FAAH2: variants seen among roughly 807,000 people sequenced by gnomAD.
FAAH2 encodes the protein fatty acid amide hydrolase 2, also known as fatty-acid amide hydrolase 2.
In FAAH2, 60 loss-of-function variants were observed where a neutral mutation model predicts 36.9. The ratio of observed to expected loss-of-function variants is 1.63; its 90% CI spans 1.32 to 2.02. FAAH2 has a LOEUF of 2.02. FAAH2 is among the 30% of genes most tolerant of loss of function. The pLI, the probability that FAAH2 is intolerant of heterozygous loss-of-function variation, is 0.00. For synonymous variants in FAAH2, 214 were observed against 143.8 expected (o/e 1.49, Z -3.49); for missense variants, 689 against 397.5 (o/e 1.73, Z -6.23).
chrX:57,439,162 C>A (rs1201495397), intron 8 of FAAH2, among the ~76,000 whole-genome samples: 2 of 109,830 alleles, frequency 1.8e-5, no homozygotes, highest in Non-Finnish European at 3.8e-5. Context: ...TTCTAGATCC[C>A]TGAGGAATCA....
At chrX:57,388,212 A>G (rs962719336) in intron 7 of FAAH2, among the ~76,000 whole-genome samples, 9 of 111,440 alleles carry the variant, frequency 8.1e-5, no homozygotes, top group Admixed American at 4.8e-4. Context: ...TTATATAGCA[A>G]TTTGAACTTT....
At chrX:57,320,809 G>A (rs747424574) in intron 3 of FAAH2, among the ~76,000 whole-genome samples, 1 of 112,419 alleles carries the variant, frequency 8.9e-6, no homozygotes, top group East Asian at 2.8e-4. Flanking sequence ...AGGAAATGTG[G>A]CATATGTACA....
At chrX:57,421,169 G>T (rs1046779762) in intron 7 of FAAH2, among the ~76,000 whole-genome samples, 4 of 112,207 alleles carry the variant, frequency 3.6e-5, no homozygotes, top group African/African-American at 1.3e-4. Context: ...TTTTTGGCCG[G>T]GTGAAGTGGC....
chrX:57,425,048 A>C (rs938188751), intron 7 of FAAH2, among the ~76,000 whole-genome samples: 2 of 111,326 alleles, frequency 1.8e-5, no homozygotes, highest in East Asian at 5.6e-4. Flanking sequence ...AAACAAAAAA[A>C]TCTGAAAATA....
At chrX:57,369,341 A>G (rs761391495) in intron 5 of FAAH2, among the ~76,000 whole-genome samples, 54 of 111,304 alleles carry the variant, frequency 4.9e-4, no homozygotes, top group Non-Finnish European at 9.4e-4. Flanking sequence ...AATTTCCCAA[A>G]TTTTGGAAGA....
upstream of FAAH2, among the ~76,000 whole-genome samples, chrX:57,285,314 C>A (rs977508594): frequency 2.7e-5 from 3 of 112,081 alleles, no homozygotes; most frequent in Middle Eastern, 4.6e-3. Context: ...AAGCTCGAAT[C>A]CCTATCTTCA....
upstream of FAAH2, among the ~76,000 whole-genome samples, chrX:57,283,192 G>A (rs1179840513): frequency 3.6e-5 from 4 of 111,975 alleles, no homozygotes; most frequent in African/African-American, 6.5e-5. Flanking sequence ...AGCACTGTGC[G>A]TCTTTGCTTC....
intron 2 of FAAH2, among the ~76,000 whole-genome samples, chrX:57,301,671 TA>T (rs200799309): frequency 2.7e-4 from 30 of 109,610 alleles, no homozygotes; most frequent in African/African-American, 6.0e-4. Flanking sequence ...TAAAATCTAA[TA>T]AAAAAATGTG....
intron 2 of FAAH2, among the ~76,000 whole-genome samples, chrX:57,299,261 T>A (rs760480235): frequency 8.9e-6 from 1 of 111,982 alleles, no homozygotes; most frequent in East Asian, 2.8e-4. Flanking sequence ...TCCACCATGA[T>A]CAAGTGGGGT....
chrX:57,411,481 A>G (rs781187443), intron 7 of FAAH2, among the ~76,000 whole-genome samples: 1 of 110,325 alleles, frequency 9.1e-6, no homozygotes, highest in African/African-American at 3.3e-5. Flanking sequence ...GTCACCCTGC[A>G]GGGCTTATGG....
rs778427319 is a variant in FAAH2 at position 57,392,940 on chromosome X, G to T, written c.996+11911G>T. The T allele has an allele frequency of 9.3e-5, 84 of 907,724 alleles. No individual in the cohort carries two copies. In the South Asian group the frequency reaches 1.6e-3, roughly 17 times the overall value. 74.8% of individuals were successfully genotyped at this position (907,724 alleles called of 1,213,427 possible). ...TTTGAGGAGTAATTCAATGTTGTCTGCTCCATAGATCTTCTGTGCAATGAT... is the reference window on the plus strand; with the variant it reads ...TTTGAGGAGTAATTCAATGTTGTCTTCTCCATAGATCTTCTGTGCAATGAT... On this transcript the variant is annotated intron_variant, in intron 7 of 10. Coordinates refer to ENST00000374900, the MANE Select transcript of FAAH2 (RefSeq NM_174912.4).
At chrX:57,408,969 G>A (rs2055634641) in intron 7 of FAAH2, among the ~76,000 whole-genome samples, 1 of 111,057 alleles carries the variant, frequency 9.0e-6, no homozygotes, top group Non-Finnish European at 1.9e-5. Context: ...AATATAGAGT[G>A]TACTTACAGA....
the FAAH2 span, among the ~76,000 whole-genome samples, chrX:57,270,970 A>G: frequency 2.7e-5 from 3 of 112,108 alleles, no homozygotes; most frequent in African/African-American, 6.5e-5. Context: ...TAGAATGCCA[A>G]TGAGACAGAA....
the FAAH2 span, among the ~76,000 whole-genome samples, chrX:57,196,320 G>A: frequency 6.3e-5 from 7 of 111,735 alleles, no homozygotes; most frequent in Admixed American, 9.5e-5. Flanking sequence ...TTATTTTGGA[G>A]CTATTGTGAA....
chrX:57,322,818 TTG>T (rs1260371493), intron 3 of FAAH2, among the ~76,000 whole-genome samples: 1 of 110,960 alleles, frequency 9.0e-6, no homozygotes, highest in African/African-American at 3.3e-5. Context: ...CTTTTTTTTT[TTG>T]TTTTGTTTTG....
At chrX:57,461,222 A>C (rs2056953139) in intron 10 of FAAH2, among the ~76,000 whole-genome samples, 1 of 111,186 alleles carries the variant, frequency 9.0e-6, no homozygotes, top group Non-Finnish European at 1.9e-5. Flanking sequence ...TTTAACACCC[A>C]ACTGTCAATA....
At chrX:57,366,667 T>C (rs2054425697) in intron 5 of FAAH2, among the ~76,000 whole-genome samples, 1 of 112,401 alleles carries the variant, frequency 8.9e-6, no homozygotes, top group African/African-American at 3.2e-5. Context: ...CATGTGCTGC[T>C]GGAAGTCTGT....
At chrX:57,334,299 A>ACACACACAC (rs1569269197) in intron 4 of FAAH2, among the ~76,000 whole-genome samples, 1 of 14,309 alleles carries the variant, frequency 7.0e-5, no homozygotes, top group African/African-American at 1.1e-4. Context: ...CACACACACA[A>ACACACACAC]AGATGGGAGT....
intron 2 of FAAH2, among the ~76,000 whole-genome samples, chrX:57,293,656 G>C (rs757614018): frequency 8.9e-6 from 1 of 111,775 alleles, no homozygotes; most frequent in Admixed American, 9.5e-5. Flanking sequence ...ACATTTGAGA[G>C]AGATTCTATT....
Sources: allele counts gnomAD v4.1 joint callset (sites outside exome capture counted in the v4.1 genomes callset), GRCh38; gene constraint gnomAD v4.1.1; transcripts MANE v1.5; gene names NCBI Gene and HGNC (gene_info 2026-07-23, HGNC 2026-07-21).